Variants in MBTPS1 observed in about 807,000 individuals in gnomAD.
MBTPS1 encodes membrane-bound transcription factor site-1 protease.
MBTPS1 carries 94 observed loss-of-function variants against 127.8 expected under a neutral mutation model. That is an observed-to-expected ratio of 0.74 (90% CI 0.62 to 0.87). MBTPS1 has a LOEUF of 0.87. Among genes scored for constraint, MBTPS1 ranks in the 40% least tolerant of loss-of-function variants. The pLI, the probability that MBTPS1 is intolerant of heterozygous loss-of-function variation, is 0.00. For synonymous variants in MBTPS1, 632 were observed against 509.4 expected, an observed-to-expected ratio of 1.24 and a Z score of -3.24; for missense variants, 1,636 against 1,353.2, an observed-to-expected ratio of 1.21 and a Z score of -3.28.
At position 84,087,473 on chromosome 16, in the gene MBTPS1, C is replaced by CAAAAAAAAAAAAAAAAAAAAAAA; in HGVS notation, c.1032-14_1032-13insTTTTTTTTTTTTTTTTTTTTTTT. 9.7e-7 allele frequency: 1 copy of CAAAAAAAAAAAAAAAAAAAAAAA among 1,036,174 alleles called. No individual in the cohort carries two copies. The highest frequency in any genetic ancestry group is 2.5e-5 in the East Asian group (1 of 39,308). The allele number at this position is 1,036,174 out of a possible 1,614,324, so 64.2% of individuals were successfully genotyped here. A position where few individuals can be genotyped will look rare whatever the true frequency, so the allele number is the denominator to read the frequency against. ...GTTATTCAGAGTGCTATATTGAGAC[C>CAAAAAAAAAAAAAAAAAAAAAAA]AAAAAAAAAAAAAAAGAAAAGAAAA... On this transcript the variant is annotated splice_polypyrimidine_tract_variant and intron_variant, in intron 8 of 22. Coordinates refer to ENST00000343411, the MANE Select transcript of MBTPS1 (RefSeq NM_003791.4).
chr16:84,069,740 TCAGCGTCATCAGAGTCCAGGCTCCAC>T, intron 14 of MBTPS1, 100 bp downstream of exon 14: 1 of 893,948 alleles, frequency 1.1e-6, no homozygotes, highest in Non-Finnish European at 1.7e-6. Context: ...CCTGAACATC[TCAGCGTCATCAGAGTCCAGGCTCCAC>T]GAGAAGCTGA....
chr16:84,101,490 CA>C (rs1339578360), intron 2 of MBTPS1, 130 bp downstream of exon 2: 105,338 of 581,670 alleles, frequency 0.18, 9 homozygotes, highest in South Asian at 0.23. Context: ...GACTCTGTCT[CA>C]AAAAAAAAAA....
rs190540825 is a variant in MBTPS1 at position 84,058,772 on chromosome 16, C to T, written c.2831+530G>A. On this transcript the variant is annotated intron_variant, in intron 21 of 22. Transcript: ENST00000343411. ...AGCTGGAGAAGGGATCCAGGCGGCA[C>T]TGCAAACAGGAGTGTGGAGACAGCA... Among the ~76,000 whole-genome samples, 922 of 152,292 alleles carry T rather than the reference C, an allele frequency of 6.1e-3. 4 individuals are homozygous for T. Among genetic ancestry groups the T allele is most frequent in the Admixed American group, 0.011 (171 of 15,290 alleles).
intron 18 of MBTPS1, among the ~76,000 whole-genome samples, chr16:84,064,666 C>T (rs947418321): frequency 6.6e-6 from 1 of 152,194 alleles, no homozygotes. Flanking sequence ...CAGCTAGAAC[C>T]TGAAGTGATA....
At chr16:84,062,814 A>T (rs776173062) in intron 19 of MBTPS1, among the ~76,000 whole-genome samples, 1 of 152,206 alleles carries the variant, frequency 6.6e-6, no homozygotes, top group Non-Finnish European at 1.5e-5. Flanking sequence ...ACGCCTCGAG[A>T]TAACAAACGC....
At position 84,067,735 on chromosome 16, in the gene MBTPS1, G is replaced by A. The variant is rs368273414; in HGVS notation, c.2160C>T (p.Leu720=). The change falls in exon 16 of 23, where the codon CTC becomes CTT. Residue 720 remains leucine (L), a synonymous_variant. Coordinates refer to ENST00000343411, the MANE Select transcript of MBTPS1 (RefSeq NM_003791.4). The part of the protein sequence containing the change: ...LRRDVDNGLS[L]VIFSDWYNTS... Reference sequence around the variant, plus strand: ...TGTTGTACCAGTCACTGAAGATGACGAGCGAGAGGCCGTTGTCCACGTCCC... The same window carrying A: ...TGTTGTACCAGTCACTGAAGATGACAAGCGAGAGGCCGTTGTCCACGTCCC... 4.9e-5 allele frequency: 79 copies of A among 1,613,976 alleles called. No homozygotes were observed. In the African/African-American group the frequency reaches 9.2e-4, roughly 19 times the overall value.
At chr16:84,095,826 G>C (rs369853173) in intron 3 of MBTPS1, 21 bp from the exon 4 acceptor site, 1 of 1,604,958 alleles carries the variant, frequency 6.2e-7, no homozygotes, top group Non-Finnish European at 8.5e-7. Flanking sequence ...GGGAGAGAAA[G>C]ATCAGAACAG....
intron 12 of MBTPS1, among the ~76,000 whole-genome samples, chr16:84,071,405 C>T (rs2151148796): frequency 6.6e-6 from 1 of 152,332 alleles, no homozygotes; most frequent in Non-Finnish European, 1.5e-5. Flanking sequence ...CCACAATCCA[C>T]ACAGCCAGAA....
chr16:84,098,242 G>A (rs997226219), intron 3 of MBTPS1, among the ~76,000 whole-genome samples: 1 of 152,202 alleles, frequency 6.6e-6, no homozygotes, highest in African/African-American at 2.4e-5. Flanking sequence ...CCCAGCTGAT[G>A]CATGACCATT....
intron 13 of MBTPS1, among the ~76,000 whole-genome samples, 173 bp from the exon 14 acceptor site, chr16:84,070,211 C>CT (rs937073286): frequency 1.5e-4 from 23 of 152,202 alleles, no homozygotes; most frequent in African/African-American, 5.5e-4. Flanking sequence ...CATTCAAACA[C>CT]TTAAAGAGTT....
chr16:84,095,791 G>A lies in MBTPS1; in HGVS notation c.436C>T (p.Pro146Ser). The A allele has an allele frequency of 1.2e-6, 2 of 1,613,650 alleles. No homozygotes were observed. The highest frequency in any genetic ancestry group is 1.1e-5 in the South Asian group (1 of 91,074). ...LKYAESDPTV[P>S]CNETRWSQKW... ...TGGCTCCACCGGGTTTCATTGCAGG[G>A]TACTGTGGGGTCAGCTACAGGCAAG... Residue 146 changes from proline to serine, a missense_variant, in exon 4 of 23, where the codon CCC becomes TCC. Transcript: ENST00000343411.
chr16:84,067,048 T>C (rs1408569201), intron 16 of MBTPS1, among the ~76,000 whole-genome samples: 1 of 152,110 alleles, frequency 6.6e-6, no homozygotes, highest in Non-Finnish European at 1.5e-5. Flanking sequence ...TTTGAGTAAA[T>C]TAATTACTAT....
chr16:84,054,743 G>A (rs1034381651), intron 22 of MBTPS1, 98 bp from the exon 23 acceptor site: 2 of 938,252 alleles, frequency 2.1e-6, no homozygotes, highest in African/African-American at 1.7e-5. Flanking sequence ...CTAAATGCGA[G>A]CTAATTTCAC....
chr16:84,108,153 T>A (rs2086350601), intron 1 of MBTPS1, among the ~76,000 whole-genome samples: 1 of 152,056 alleles, frequency 6.6e-6, no homozygotes, highest in African/African-American at 2.4e-5. Context: ...GCAAACCCGA[T>A]GGGCACACTT....
At chr16:84,083,295 T>C (rs1451976333) in intron 10 of MBTPS1, among the ~76,000 whole-genome samples, 1 of 152,192 alleles carries the variant, frequency 6.6e-6, no homozygotes, top group Admixed American at 6.5e-5. Context: ...TCACTTGATA[T>C]AACACTGGAG....
At chr16:84,113,520 T>C (rs1028340663) in intron 1 of MBTPS1, among the ~76,000 whole-genome samples, 3 of 152,380 alleles carry the variant, frequency 2.0e-5, no homozygotes, top group African/African-American at 2.4e-5. Flanking sequence ...AGAAGAAATG[T>C]ATTACTTGCG....
At chr16:84,108,736 G>A (rs1567507019) in intron 1 of MBTPS1, among the ~76,000 whole-genome samples, 1 of 152,220 alleles carries the variant, frequency 6.6e-6, no homozygotes, top group African/African-American at 2.4e-5. Flanking sequence ...AGAGGCACCA[G>A]GTGAGGGGGT....
At chr16:84,074,255 G>C (rs2085817730) in intron 12 of MBTPS1, among the ~76,000 whole-genome samples, 1 of 147,250 alleles carries the variant, frequency 6.8e-6, no homozygotes, top group Non-Finnish European at 1.5e-5. Context: ...TTTTTTCCCA[G>C]ACAAGGTCTT....
At chr16:84,083,786 T>G (rs1005302230) in intron 10 of MBTPS1, among the ~76,000 whole-genome samples, 9 of 152,230 alleles carry the variant, frequency 5.9e-5, no homozygotes, top group African/African-American at 2.2e-4. Context: ...AACACTCAAC[T>G]AAAACTTCAT....
Sources: allele counts gnomAD v4.1 joint callset (sites outside exome capture counted in the v4.1 genomes callset), GRCh38; gene constraint gnomAD v4.1.1; transcripts MANE v1.5; gene names NCBI Gene and HGNC (gene_info 2026-07-23, HGNC 2026-07-21).